GNG2: variants seen among roughly 807,000 people sequenced by gnomAD.
The protein encoded by GNG2 is guanine nucleotide-binding protein G(I)/G(S)/G(O) subunit gamma-2.
A neutral mutation model predicts 5.5 loss-of-function variants in GNG2; 5 were observed. That is an observed-to-expected ratio of 0.91 (90% CI 0.48 to 1.92). The LOEUF (loss-of-function observed/expected upper bound fraction) is 1.92. Ranked by LOEUF, GNG2 falls within the 30% of genes most tolerant of loss-of-function variation. The pLI, the probability that GNG2 is intolerant of heterozygous loss-of-function variation, is 0.01. For missense variants in GNG2, 55 were observed against 88.4 expected (o/e 0.62, Z 1.52); for synonymous variants, 28 against 32.0 (o/e 0.88, Z 0.42).
At chr14:51,931,065 T>C (rs570303111) in intron 2 of GNG2, among the ~76,000 whole-genome samples, 114 of 151,900 alleles carry the variant, frequency 7.5e-4, no homozygotes, top group African/African-American at 2.6e-3. Flanking sequence ...GCCAGTGCAC[T>C]CCAACCTGGG....
At chr14:51,927,880 T>A (rs540226833) in intron 2 of GNG2, among the ~76,000 whole-genome samples, 7 of 152,268 alleles carry the variant, frequency 4.6e-5, no homozygotes, top group African/African-American at 9.6e-5. Context: ...GTTGTTGTTG[T>A]TGTTTGGCAA....
intron 2 of GNG2, among the ~76,000 whole-genome samples, chr14:51,922,079 CTT>C (rs1019872051): frequency 9.2e-5 from 14 of 152,170 alleles, no homozygotes; most frequent in African/African-American, 3.1e-4. Flanking sequence ...ACTAATAAGA[CTT>C]TTACATTTCT....
intron 2 of GNG2, among the ~76,000 whole-genome samples, chr14:51,880,529 G>A (rs557075825): frequency 2.0e-5 from 3 of 152,276 alleles, no homozygotes; most frequent in African/African-American, 7.2e-5. Context: ...CATCTTTTGA[G>A]TAGAATATGG....
At chr14:51,887,531 A>T (rs1435700806) in intron 2 of GNG2, among the ~76,000 whole-genome samples, 1 of 152,206 alleles carries the variant, frequency 6.6e-6, no homozygotes, top group African/African-American at 2.4e-5. Context: ...AAAATGATGG[A>T]CAAAACAAAT....
chr14:51,939,901 G>C (rs1321143471), intron 2 of GNG2: 2 of 152,204 alleles, frequency 1.3e-5, no homozygotes, highest in Admixed American at 1.3e-4. Flanking sequence ...TCTTTCCCTG[G>C]GGAGACTGCA....
chr14:51,889,109 CT>C (rs1173479215), intron 2 of GNG2, among the ~76,000 whole-genome samples: 3,445 of 118,912 alleles, frequency 0.029, 111 homozygotes, highest in East Asian at 0.16. Context: ...TGGGTTTGCG[CT>C]TTTTTTTTTT....
At chr14:51,936,252 C>T (rs1003252765) in intron 2 of GNG2, among the ~76,000 whole-genome samples, 2 of 152,174 alleles carry the variant, frequency 1.3e-5, no homozygotes, top group Non-Finnish European at 2.9e-5. Flanking sequence ...CTGGGTCCTG[C>T]TAAACACTTA....
chr14:51,929,720 C>T (rs1311824266), intron 2 of GNG2, among the ~76,000 whole-genome samples: 1 of 152,080 alleles, frequency 6.6e-6, no homozygotes, highest in East Asian at 1.9e-4. Context: ...AAAACTGAAT[C>T]CGTTTGCCAC....
chr14:51,846,911 T>C (rs918526677), intron 2 of GNG2, among the ~76,000 whole-genome samples: 32 of 152,350 alleles, frequency 2.1e-4, no homozygotes, highest in African/African-American at 7.7e-4. Context: ...GGTTTTGTTT[T>C]GTTTTCTCGC....
intron 3 of GNG2, chr14:51,952,167 T>C (rs902765352): frequency 1.2e-5 from 5 of 420,570 alleles, no homozygotes; most frequent in African/African-American, 1.0e-4. Flanking sequence ...AGCTCTTCTT[T>C]CTCTACAAGT....
At chr14:51,896,456 GT>G (rs567984474) in intron 2 of GNG2, among the ~76,000 whole-genome samples, 43 of 152,238 alleles carry the variant, frequency 2.8e-4, no homozygotes, top group Non-Finnish European at 6.0e-4. Flanking sequence ...AAAAGTATAA[GT>G]TTCCAAATAA....
chr14:51,830,291 C>G (rs1295966428), intron 2 of GNG2, among the ~76,000 whole-genome samples: 1 of 152,170 alleles, frequency 6.6e-6, no homozygotes. Flanking sequence ...TGCCTCAGAA[C>G]TCAGTCTTTG....
chr14:51,841,194 C>G (rs1236815920), intron 2 of GNG2, among the ~76,000 whole-genome samples: 1 of 152,138 alleles, frequency 6.6e-6, no homozygotes, highest in East Asian at 1.9e-4. Context: ...GAGGGAAAAA[C>G]AAGGATAGCA....
chr14:51,911,594 G>A (rs1385371061), intron 2 of GNG2, among the ~76,000 whole-genome samples: 6 of 151,472 alleles, frequency 4.0e-5, no homozygotes, highest in African/African-American at 1.2e-4. Context: ...CCCAAGCTGG[G>A]GTACAGTGGT....
chr14:51,958,339 A>G (rs1240421682), intron 3 of GNG2, among the ~76,000 whole-genome samples: 1 of 149,396 alleles, frequency 6.7e-6, no homozygotes, highest in Non-Finnish European at 1.5e-5. Flanking sequence ...TCTAGATGCC[A>G]AATGTGCTCA....
chr14:51,856,452 G>A (rs978639012), upstream of GNG2, among the ~76,000 whole-genome samples: 6 of 152,082 alleles, frequency 3.9e-5, no homozygotes, highest in South Asian at 2.1e-4. Flanking sequence ...GTTGTTGTTC[G>A]AGACGGAGTC....
At chr14:51,932,042 C>T (rs538657022) in intron 2 of GNG2, among the ~76,000 whole-genome samples, 9 of 151,658 alleles carry the variant, frequency 5.9e-5, no homozygotes, top group African/African-American at 1.9e-4. Context: ...GTCAGGAGAT[C>T]GAGACCATCC....
chr14:51,829,158 C>T (rs1881112356), intron 2 of GNG2, among the ~76,000 whole-genome samples: 1 of 152,190 alleles, frequency 6.6e-6, no homozygotes, highest in African/African-American at 2.4e-5. Flanking sequence ...CTCCTATCCA[C>T]CTAGCCTTTC....
intron 1 of GNG2, among the ~76,000 whole-genome samples, chr14:51,872,539 C>T (rs749819208): frequency 6.6e-6 from 1 of 152,108 alleles, no homozygotes; most frequent in Non-Finnish European, 1.5e-5. Context: ...GAACTGCAGG[C>T]CTGGTATAAT....
Sources: gnomAD v4.1 joint callset for allele counts (sites outside exome capture counted in the v4.1 genomes callset) on GRCh38, gnomAD v4.1.1 for gene constraint, MANE v1.5 for transcripts, NCBI Gene and HGNC (gene_info 2026-07-23, HGNC 2026-07-21) for gene names.